Variants in SLC5A10 observed in about 807,000 individuals in gnomAD.
SLC5A10 encodes the protein solute carrier family 5 member 10.
A neutral mutation model predicts 68.9 loss-of-function variants in SLC5A10; 55 were observed. The observed-to-expected ratio is 0.80, with a 90% CI of 0.64 to 1.00. The LOEUF (loss-of-function observed/expected upper bound fraction) is 1.00, where lower values mean the gene tolerates loss of function less well. Ranked by LOEUF, SLC5A10 falls within the 50% of genes least tolerant of loss-of-function variation. The probability of loss-of-function intolerance (pLI) is 0.00; values close to 1 mark genes in which losing one functional copy is unlikely to be tolerated. For synonymous variants in SLC5A10, 344 were observed against 344.8 expected (o/e 1.00, Z 0.02); for missense variants, 732 against 819.3 (o/e 0.89, Z 1.30).
In SLC5A10 at chr17:19,017,077, A is replaced by C. The variant is rs2044155167; in HGVS notation, c.1241+1878A>C. Among the ~76,000 whole-genome samples the C allele has an allele frequency of 6.7e-6, 1 of 150,098 alleles. No individual in the cohort carries two copies. Among genetic ancestry groups the C allele is most frequent in the Non-Finnish European group, 1.5e-5 (1 of 67,454 alleles). On this transcript the variant is annotated intron_variant, in intron 11 of 14. Transcript: ENST00000395645. The surrounding 1 kb of genome is among the most constrained non-coding windows in gnomAD (Gnocchi z 5.6). ...GCCCGTGCCCTTGACCCTCCTTCCC[A>C]CCTCTTCTGCCAAGTCAACCCCCGC...
chr17:19,013,431 C>T lies in SLC5A10; in HGVS notation c.1004C>T (p.Pro335Leu), dbSNP rs560313570. The T allele has an allele frequency of 9.3e-6, 15 of 1,606,170 alleles. No homozygotes were observed. The highest frequency in any genetic ancestry group is 5.5e-5 in the South Asian group (5 of 90,168). ...ACAGATGATGTGGGCTGCGTGGTGC[C>T]GTCCGAGTGCCTGCGGGCCTGCGGG... is the stretch of plus-strand genomic sequence containing the variant. ...LFPDDVGCVV[P>L]SECLRACGAE... Residue 335 changes from proline to leucine, a missense_variant, in exon 10 of 15, where the codon CCG (proline) becomes CTG (leucine). Physicochemically the swap from Pro to Leu is moderately conservative, Grantham distance 98 (BLOSUM62 -3). Coordinates refer to ENST00000395645, the MANE Select transcript of SLC5A10 (RefSeq NM_001042450.4).
intron 9 of SLC5A10, among the ~76,000 whole-genome samples, chr17:18,985,516 G>A (rs907153850): frequency 2.0e-5 from 3 of 152,110 alleles, no homozygotes; most frequent in Admixed American, 1.3e-4. Flanking sequence ...CAGGCCCAGG[G>A]ATTATCGGCA....
intron 9 of SLC5A10, among the ~76,000 whole-genome samples, chr17:19,012,902 G>C (rs1412399938): frequency 6.6e-6 from 1 of 152,248 alleles, no homozygotes; most frequent in Non-Finnish European, 1.5e-5. Flanking sequence ...CAGCCCTGCT[G>C]CATGAGCTGC....
chr17:18,952,411 T>A (rs982764868), intron 1 of SLC5A10, 95 bp downstream of exon 1: 1 of 1,447,986 alleles, frequency 6.9e-7, no homozygotes, highest in South Asian at 1.3e-5. Flanking sequence ...GGTGTCAGCA[T>A]TGGTCCCAGC....
chr17:19,021,896 A>C lies in SLC5A10; in HGVS notation c.*1465A>C, dbSNP rs550499409. On this transcript the variant is annotated 3_prime_UTR_variant, in exon 15 of 15. Transcript: ENST00000395645. This position sits in a 1 kb window ranked among gnomAD's most constrained non-coding sequence, Gnocchi z 4.1. ...GACTCTGACAGAGCTGGGGGTGTCCATGTCCTCTCTGGACCTCAGTTCCTG... is the reference window on the plus strand; with the variant it reads ...GACTCTGACAGAGCTGGGGGTGTCCCTGTCCTCTCTGGACCTCAGTTCCTG... 5.3e-5 allele frequency: 75 copies of C among 1,421,990 alleles called. No individual in the cohort carries two copies. The African/African-American group carries it at 9.5e-4, about 18-fold the overall frequency. The allele number at this position is 1,421,990 out of a possible 1,614,324, so 88.1% of individuals were successfully genotyped here.
chr17:19,019,185 G>A lies in SLC5A10; in HGVS notation c.1242-238G>A. ...TCCGCAGAGACCCCAGGGCAGGGAAGGAGCAGACAGCACTTAGAGTCAGGA... is the reference window on the plus strand; with the variant it reads ...TCCGCAGAGACCCCAGGGCAGGGAAAGAGCAGACAGCACTTAGAGTCAGGA... On this transcript the variant is annotated intron_variant, in intron 11 of 14. Transcript: ENST00000395645. 5.6e-6 allele frequency: 3 copies of A among 538,720 alleles called. No individual in the cohort carries two copies. In the Admixed American group the frequency reaches 1.1e-4, roughly 19 times the overall value. 33.4% of individuals were successfully genotyped at this position (538,720 alleles called of 1,614,324 possible).
intron 1 of SLC5A10, 74 bp from the exon 2 acceptor site, chr17:18,958,608 C>A (rs937557889): frequency 7.4e-7 from 1 of 1,360,058 alleles, no homozygotes; most frequent in Non-Finnish European, 1.0e-6. Context: ...GAGGAGCTGC[C>A]AAGCCGTTTC....
At chr17:18,974,753 C>T (rs892304667) in intron 8 of SLC5A10, among the ~76,000 whole-genome samples, 3 of 152,224 alleles carry the variant, frequency 2.0e-5, no homozygotes, top group Non-Finnish European at 4.4e-5. Flanking sequence ...TCACTTAAGT[C>T]GTTGCAACAA....
chr17:19,013,089 A>AG (rs1208039383), intron 9 of SLC5A10, among the ~76,000 whole-genome samples: 1 of 152,124 alleles, frequency 6.6e-6, no homozygotes, highest in Non-Finnish European at 1.5e-5. Flanking sequence ...GCTGGGGACG[A>AG]GGGGGGCAAG....
At chr17:18,998,104 C>T (rs979515054) in intron 9 of SLC5A10, among the ~76,000 whole-genome samples, 6 of 152,226 alleles carry the variant, frequency 3.9e-5, no homozygotes, top group Admixed American at 1.3e-4. Context: ...GCAAGGTACT[C>T]GAGCCCAGGG....
upstream of SLC5A10, chr17:18,950,717 GT>G: frequency 1.0e-6 from 1 of 985,174 alleles, no homozygotes; most frequent in Non-Finnish European, 1.2e-6. Context: ...TTTTGTTGTT[GT>G]TGTTGTTTGT....
At chr17:18,953,635 AGTG>A (rs10533006) in intron 1 of SLC5A10, 71,355 of 152,052 alleles carry the variant, frequency 0.47, 17,101 homozygotes, top group African/African-American at 0.53. Flanking sequence ...CAGTGGTAGC[AGTG>A]GTGGTGGTGG....
At chr17:18,953,253 C>T (rs1212189295) in intron 1 of SLC5A10, among the ~76,000 whole-genome samples, 1 of 151,802 alleles carries the variant, frequency 6.6e-6, no homozygotes, top group Non-Finnish European at 1.5e-5. Flanking sequence ...CTGCCTCAGC[C>T]TCCTGAGTAG....
chr17:18,952,289 T>C lies in SLC5A10; in HGVS notation c.84T>C (p.Phe28=). The C allele has an allele frequency of 1.9e-6, 3 of 1,613,852 alleles. No homozygotes were observed. The highest frequency in any genetic ancestry group is 2.5e-6 in the Non-Finnish European group (3 of 1,179,890). The part of the protein sequence containing the change: ...VADIIVITVY[F]ALNVAVGIWS... ...ACATCATCGTCATCACTGTGTATTT[T>C]GCTCTGAATGTGGCCGTGGGCATAT... The change falls in exon 1 of 15, where the codon TTT becomes TTC. Residue 28 remains phenylalanine (F), a synonymous_variant. Transcript: ENST00000395645.
chr17:18,957,470 AT>A (rs148197189), intron 1 of SLC5A10, among the ~76,000 whole-genome samples: 8,598 of 151,872 alleles, frequency 0.057, 818 homozygotes, highest in African/African-American at 0.2. Flanking sequence ...ATTTTATTTT[AT>A]TTTATTTATT....
Position 19,019,814 on chromosome 17 carries a change from G to A in SLC5A10, c.1512G>A (p.Arg504=). The A allele has an allele frequency of 6.2e-7, 1 of 1,613,314 alleles. No homozygotes were observed. The highest frequency in any genetic ancestry group is 8.5e-7 in the Non-Finnish European group (1 of 1,179,854). ...PAPPCGEPDT[R]PAVLGSIHYL... ...CACCGTGCGGAGAGCCAGACACGCG[G>A]CCAGCCGTCCTGGGGAGCATCCACT... Residue 504 remains arginine (R), a synonymous_variant, in exon 13 of 15, where the codon CGG becomes CGA. Coordinates refer to ENST00000395645, the MANE Select transcript of SLC5A10 (RefSeq NM_001042450.4).
At chr17:18,965,087 T>A (rs28474381) in intron 5 of SLC5A10, among the ~76,000 whole-genome samples, 4,788 of 93,568 alleles carry the variant, frequency 0.051, 203 homozygotes, top group African/African-American at 0.13. Flanking sequence ...GAGGTTTTTT[T>A]AAAAAAAAAA....
intron 9 of SLC5A10, among the ~76,000 whole-genome samples, chr17:18,986,605 G>C (rs1409558578): frequency 6.6e-6 from 1 of 152,246 alleles, no homozygotes; most frequent in Non-Finnish European, 1.5e-5. Context: ...TGGAAACTCA[G>C]AACTCTGCAA....
rs576923262 is a variant in SLC5A10 at position 18,973,767 on chromosome 17, G to A, written c.846+2549G>A. 5.3e-5 allele frequency among the ~76,000 whole-genome samples: 8 copies of A among 151,798 alleles called. No homozygotes were observed. The South Asian group carries it at 6.3e-4, about 12-fold the overall frequency. On this transcript the variant is annotated intron_variant, in intron 8 of 14. Transcript: ENST00000395645. ...GGCTGGAGTGCAGTGGCACCATCTC[G>A]GCTCACTGCAACCTCCGCCTCCTGG...
Sources: allele counts gnomAD v4.1 joint callset (sites outside exome capture counted in the v4.1 genomes callset), GRCh38; gene constraint gnomAD v4.1.1; non-coding constraint Gnocchi (gnomAD v3.1); transcripts MANE v1.5; gene names NCBI Gene and HGNC (gene_info 2026-07-23, HGNC 2026-07-21).